BRCA2: variants seen among roughly 807,000 people sequenced by gnomAD.
The protein encoded by BRCA2 is breast cancer type 2 susceptibility protein.
A neutral mutation model predicts 276.7 loss-of-function variants in BRCA2; 203 were observed. The observed-to-expected ratio is 0.73, with a 90% CI of 0.65 to 0.82. The LOEUF is 0.82. Ranked by LOEUF, BRCA2 falls within the 40% of genes least tolerant of loss-of-function variation. The pLI is 0.00. For synonymous variants in BRCA2, 1,289 were observed against 1,338.4 expected (o/e 0.96, Z 0.81); for missense variants, 3,920 against 3,915.0 (o/e 1.00, Z -0.03).
rs786203006 is a variant in BRCA2 at position 32,332,988 on chromosome 13, T to C, written c.1510T>C (p.Ser504Pro). The change falls in exon 10 of 27, where the codon TCT (serine) becomes CCT (proline). Residue 504 changes from serine to proline, a missense_variant. Ser to Pro is a moderately conservative substitution (Grantham distance 74). Transcript: ENST00000380152. ...TTCTTCATTTCAGGGTATCAAAAAG[T>C]CTATATTCAGAATAAGAGAATCACC... Reference protein sequence around the residue: ...VASSFQGIKKSIFRIRESPKE... With the variant: ...VASSFQGIKKPIFRIRESPKE... 1 of 1,594,360 alleles carries C rather than the reference T, an allele frequency of 6.3e-7. No individual in the cohort carries two copies. Among genetic ancestry groups the C allele is most frequent in the Admixed American group, 1.8e-5 (1 of 54,340 alleles).
At chr13:32,383,390 G>A (rs1261916380) in intron 24 of BRCA2, among the ~76,000 whole-genome samples, 1 of 152,096 alleles carries the variant, frequency 6.6e-6, no homozygotes, top group East Asian at 1.9e-4. Context: ...GAAGGTTTGA[G>A]AGAAGAGGAA....
chr13:32,382,677 A>G (rs1475277696), intron 24 of BRCA2, among the ~76,000 whole-genome samples: 1 of 152,228 alleles, frequency 6.6e-6, no homozygotes, highest in African/African-American at 2.4e-5. Flanking sequence ...TAAGAGAAGA[A>G]GAGAAATGAA....
chr13:32,366,800 C>T (rs947435400), intron 18 of BRCA2, among the ~76,000 whole-genome samples: 7 of 145,168 alleles, frequency 4.8e-5, no homozygotes, highest in Non-Finnish European at 7.5e-5. Context: ...CCAGCCTGGG[C>T]GACAAAGTGA....
rs56179254 is a variant in BRCA2, at chr13:32,379,881, G to A, written c.9085G>A (p.Ala3029Thr). The A allele has an allele frequency of 4.0e-5, 65 of 1,613,648 alleles. No individual in the cohort carries two copies. The highest frequency in any genetic ancestry group is 5.1e-6 in the Non-Finnish European group (6 of 1,179,806). ...TGAAAGAGCTAACATACAGTTAGCA[G>A]CGACAAAAAAAACTCAGTATCAACA... ...KSERANIQLA[A>T]TKKTQYQQLP... is the part of the protein sequence containing the mutation. Residue 3029 changes from alanine to threonine, a missense_variant, in exon 23 of 27, where the codon GCG becomes ACG. Around this residue, in one of 2 missense-constraint regions of BRCA2, gnomAD observed 657 missense variants for 758.2 expected, o/e 0.87. Coordinates refer to ENST00000380152, the MANE Select transcript of BRCA2 (RefSeq NM_000059.4).
rs81002837 is a variant in BRCA2 at position 32,363,534 on chromosome 13, G to A, written c.8331+1G>A. On this transcript the variant is annotated splice_donor_variant, in intron 18 of 26. Coordinates refer to ENST00000380152, the MANE Select transcript of BRCA2 (RefSeq NM_000059.4). LOFTEE classifies it high-confidence loss of function. ...AGCCCCAGAATCTCTTATGTTAAAG[G>A]TAAATTAATTTGCACTCTTGGTAAA... is the stretch of plus-strand genomic sequence containing the variant. 1 of 1,610,994 alleles carries A rather than the reference G, an allele frequency of 6.2e-7. No homozygotes were observed. The highest frequency in any genetic ancestry group is 8.5e-7 in the Non-Finnish European group (1 of 1,177,358).
In BRCA2 at chr13:32,399,598, T is replaced by C. The variant is rs1055802520; in HGVS notation, c.*828T>C. On this transcript the variant is annotated 3_prime_UTR_variant, in exon 27 of 27. Transcript: ENST00000380152. ...AAATCAGAAGATTTCATAGTTAATT[T>C]ATTTTTTTTTTCAACAAAATGGTCA... 4.7e-5 allele frequency: 8 copies of C among 171,060 alleles called. No individual in the cohort carries two copies. Among genetic ancestry groups the C allele is most frequent in the Non-Finnish European group, 8.7e-5 (7 of 80,820 alleles). 10.6% of individuals were successfully genotyped at this position (171,060 alleles called of 1,614,324 possible).
chr13:32,371,986 A>G (rs1223198682), intron 20 of BRCA2, among the ~76,000 whole-genome samples: 2 of 152,230 alleles, frequency 1.3e-5, no homozygotes, highest in Admixed American at 6.5e-5. Context: ...ATCTTTCCTC[A>G]ATGTTGATGC....
chr13:32,324,048 C>G (rs1229550837), intron 3 of BRCA2, among the ~76,000 whole-genome samples: 1 of 152,192 alleles, frequency 6.6e-6, no homozygotes, highest in East Asian at 1.9e-4. Flanking sequence ...ATTTATTCAT[C>G]CAGTCAATAT....
rs1266625701 is a variant in BRCA2 at position 32,316,464 on chromosome 13, C to T, written c.4C>T (p.Pro2Ser). The part of the protein sequence containing the change: M[P>S]IGSKERPTFF... The stretch of plus-strand genomic sequence containing the variant: ...TGGAGGAATATCGTAGGTAAAAATG[C>T]CTATTGGATCCAAAGAGAGGCCAAC... The change falls in exon 2 of 27, where the codon CCT (proline) becomes TCT (serine). Residue 2 changes from proline to serine, a missense_variant. Transcript: ENST00000380152. The T allele has an allele frequency of 6.2e-7, 1 of 1,613,588 alleles. No homozygotes were observed. The highest frequency in any genetic ancestry group is 2.2e-5 in the East Asian group (1 of 44,866).
chr13:32,395,471 C>T (rs948988332), intron 25 of BRCA2, among the ~76,000 whole-genome samples: 1 of 152,078 alleles, frequency 6.6e-6, no homozygotes, highest in African/African-American at 2.4e-5. Flanking sequence ...AGACCTTGTT[C>T]TAAGCTTCTC....
chr13:32,381,776 CAA>C (rs1286442257), intron 24 of BRCA2, among the ~76,000 whole-genome samples: 1 of 151,952 alleles, frequency 6.6e-6, no homozygotes, highest in Non-Finnish European at 1.5e-5. Flanking sequence ...GTAGGGGGCA[CAA>C]GAGTACAAAC....
chr13:32,368,186 A>T (rs1040003083), intron 18 of BRCA2, among the ~76,000 whole-genome samples: 1 of 150,954 alleles, frequency 6.6e-6, no homozygotes, highest in Non-Finnish European at 1.5e-5. Context: ...CACCTGGCTA[A>T]TTTTTTTGTA....
intron 10 of BRCA2, among the ~76,000 whole-genome samples, chr13:32,335,013 G>A (rs775535520): frequency 1.2e-4 from 19 of 152,130 alleles, no homozygotes; most frequent in Non-Finnish European, 2.8e-4. Flanking sequence ...AGAGGAAAAT[G>A]TTTGATACTA....
intron 10 of BRCA2, 108 bp downstream of exon 10, chr13:32,333,495 T>C: frequency 8.1e-7 from 1 of 1,237,668 alleles, no homozygotes; most frequent in Non-Finnish European, 1.1e-6. Flanking sequence ...ATATTTAATC[T>C]TAGGCATCAT....
rs529877542 is a variant in BRCA2 at position 32,386,150 on chromosome 13, T to G, written c.9256+6005T>G. On this transcript the variant is annotated intron_variant, in intron 24 of 26. Coordinates refer to ENST00000380152, the MANE Select transcript of BRCA2 (RefSeq NM_000059.4). ...ACCACTTTCATATTTCATTTGATTT[T>G]CTGTTAACGTGCTAATCAAGGCTGA... 1.8e-3 allele frequency: 283 copies of G among 154,290 alleles called. 1 individual carries two copies. The highest frequency in any genetic ancestry group is 8.6e-3 in the Middle Eastern group (5 of 582). The allele number at this position is 154,290 out of a possible 1,614,324, so 9.6% of individuals were successfully genotyped here. A position where few individuals can be genotyped will look rare whatever the true frequency, so the allele number is the denominator to read the frequency against.
Position 32,338,743 on chromosome 13 carries a change from A to G in BRCA2, c.4388A>G (p.Asn1463Ser), listed in dbSNP as rs1305070555. 6.2e-7 allele frequency: 1 copy of G among 1,601,906 alleles called. No individual in the cohort carries two copies. The highest frequency in any genetic ancestry group is 1.3e-5 in the African/African-American group (1 of 74,594). ...KPEELHNFSL[N>S]SELHSDIRKN... ...GAAGAATTGCATAACTTTTCCTTAA[A>G]TTCTGAATTACATTCTGACATAAGA... The change falls in exon 11 of 27, where the codon AAT becomes AGT. Residue 1463 changes from asparagine to serine, a missense_variant. Physicochemically the swap from Asn to Ser is conservative, Grantham distance 46. Transcript: ENST00000380152.
rs751714705 is a variant in BRCA2, at chr13:32,380,165, AT to A, written c.9256+28del. On this transcript the variant is annotated intron_variant, in intron 24 of 26. Transcript: ENST00000380152. ...AAACAGGTAATGCACAATATAGTTA[AT>A]TTTTTTTATTGATTCTTTTAAAAAA... 4.5e-5 allele frequency: 71 copies of A among 1,586,926 alleles called. No individual in the cohort carries two copies. In the African/African-American group the frequency reaches 7.1e-4, roughly 16 times the overall value.
intron 11 of BRCA2, among the ~76,000 whole-genome samples, chr13:32,343,225 A>G (rs989097042): frequency 2.0e-5 from 3 of 151,966 alleles, no homozygotes; most frequent in Admixed American, 6.5e-5. Flanking sequence ...GTTTTTTTCT[A>G]TTAGTGTATC....
Position 32,371,040 on chromosome 13 carries a change from C to T in BRCA2, c.8572C>T (p.Gln2858Ter), listed in dbSNP as rs80359112. Reference protein sequence around the residue: ...EKEAAKYVEAQQKRLEALFTK... With the variant: ...EKEAAKYVEA ...GGAAGCAGCAAAATATGTGGAGGCC[C>T]AACAAAAGAGACTAGAAGCCTTATT... Residue 2858 changes from glutamine to a stop codon, truncating the protein, a stop_gained, in exon 20 of 27, where the codon CAA becomes TAA. Coordinates refer to ENST00000380152, the MANE Select transcript of BRCA2 (RefSeq NM_000059.4). LOFTEE classifies it high-confidence loss of function. 2 of 1,613,808 alleles carry T rather than the reference C, an allele frequency of 1.2e-6. No individual in the cohort carries two copies. Among genetic ancestry groups the T allele is most frequent in the Non-Finnish European group, 1.7e-6 (2 of 1,179,954 alleles).
Sources: gnomAD v4.1 joint callset for allele counts (sites outside exome capture counted in the v4.1 genomes callset) on GRCh38, gnomAD v4.1.1 for gene constraint, gnomAD v4.1.1 regional missense constraint, MANE v1.5 for transcripts, NCBI Gene and HGNC (gene_info 2026-07-23, HGNC 2026-07-21) for gene names.